The following RUFY1 variants were observed in gnomAD, a reference collection of about 807,000 sequenced individuals.
RUFY1 encodes RUN and FYVE domain containing 1.
Under a neutral mutation model 94.6 loss-of-function variants are expected in RUFY1, and 54 were observed. That is an observed-to-expected ratio of 0.57 (90% CI 0.46 to 0.72). The LOEUF is 0.72. RUFY1 is among the 30% of genes least tolerant of loss of function. RUFY1 has a pLI of 0.00. For missense variants in RUFY1, 883 were observed against 883.9 expected (o/e 1.00, Z 0.01); for synonymous variants, 396 against 347.3 (o/e 1.14, Z -1.56).
At chr5:179,583,033 T>A (rs1003743882) in intron 7 of RUFY1, among the ~76,000 whole-genome samples, 4 of 152,026 alleles carry the variant, frequency 2.6e-5, no homozygotes, top group Non-Finnish European at 5.9e-5. Context: ...CCAGGTGTGA[T>A]GGCTCACGAT....
intron 7 of RUFY1, 41 bp from the exon 8 acceptor site, chr5:179,585,755 T>A (rs776750985): frequency 7.1e-7 from 1 of 1,415,156 alleles, no homozygotes; most frequent in Non-Finnish European, 1.0e-6. Flanking sequence ...ACAGTCAGCT[T>A]GTATAAGTTT....
intron 9 of RUFY1, among the ~76,000 whole-genome samples, chr5:179,590,642 G>A (rs1363228146): frequency 2.0e-5 from 3 of 149,492 alleles, no homozygotes; most frequent in Non-Finnish European, 3.0e-5. Flanking sequence ...CTGCTACTAC[G>A]CCCAGCTAAT....
intron 4 of RUFY1, chr5:179,568,894 G>A (rs1038436122): frequency 5.8e-5 from 19 of 329,768 alleles, no homozygotes; most frequent in Non-Finnish European, 1.3e-5. Flanking sequence ...TCCGTGGGAC[G>A]CAAGAAGGAG....
chr5:179,587,178 C>T (rs904295630), intron 8 of RUFY1, among the ~76,000 whole-genome samples: 1 of 151,890 alleles, frequency 6.6e-6, no homozygotes, highest in Non-Finnish European at 1.5e-5. Flanking sequence ...CTCAACCTCC[C>T]AGTAGCTGGG....
intron 7 of RUFY1, among the ~76,000 whole-genome samples, chr5:179,581,924 A>G (rs188546553): frequency 1.3e-3 from 203 of 151,996 alleles, no homozygotes; most frequent in African/African-American, 4.6e-3. Context: ...GGCTCAAGCA[A>G]TCCTCCCACC....
chr5:179,582,664 G>A (rs7704767), intron 7 of RUFY1, among the ~76,000 whole-genome samples: 151,179 of 152,184 alleles, frequency 0.99, 75,103 homozygotes, highest in East Asian at 1. Flanking sequence ...ACCAACATGG[G>A]GAAACCCCAT....
intron 4 of RUFY1, among the ~76,000 whole-genome samples, chr5:179,568,015 C>A (rs1204479121): frequency 6.6e-6 from 1 of 152,208 alleles, no homozygotes; most frequent in African/African-American, 2.4e-5. Flanking sequence ...GAGGCCAAGG[C>A]AGGCTGATCA....
At chr5:179,553,538 T>C (rs1050028956) in intron 1 of RUFY1, among the ~76,000 whole-genome samples, 3 of 151,578 alleles carry the variant, frequency 2.0e-5, no homozygotes, top group Non-Finnish European at 2.9e-5. Flanking sequence ...AATCCCAGCA[T>C]TTTGGGAGGC....
At chr5:179,606,422 C>T (rs541239273) in intron 16 of RUFY1, 18 of 162,580 alleles carry the variant, frequency 1.1e-4, no homozygotes, top group Non-Finnish European at 2.3e-4. Context: ...GCAGGTGGCC[C>T]GGTGTGGGTG....
chr5:179,598,824 G>A lies in RUFY1; in HGVS notation c.1761+3G>A. On this transcript the variant is annotated splice_donor_region_variant and intron_variant, in intron 14 of 17. Coordinates refer to ENST00000319449, the MANE Select transcript of RUFY1 (RefSeq NM_025158.5). Reference sequence around the variant, plus strand: ...AACAAGTGGAAGGACTGAAAAAGGTGAGGTGGGCCATCCCGGGAGAGGAGA... The same window carrying A: ...AACAAGTGGAAGGACTGAAAAAGGTAAGGTGGGCCATCCCGGGAGAGGAGA... 1 of 1,614,186 alleles carries A rather than the reference G, an allele frequency of 6.2e-7. No homozygotes were observed. Among genetic ancestry groups the A allele is most frequent in the South Asian group, 1.1e-5 (1 of 91,076 alleles).
intron 7 of RUFY1, among the ~76,000 whole-genome samples, chr5:179,581,681 C>A (rs563511088): frequency 1.4e-5 from 2 of 146,868 alleles, no homozygotes; most frequent in Non-Finnish European, 3.0e-5. Flanking sequence ...GCTGTTTTTA[C>A]TTTTCTTTTT....
At chr5:179,564,081 A>G (rs1019320626) in intron 3 of RUFY1, among the ~76,000 whole-genome samples, 1 of 149,886 alleles carries the variant, frequency 6.7e-6, no homozygotes, top group Non-Finnish European at 1.5e-5. Flanking sequence ...CACTCCCTCA[A>G]GAGTAAAGCA....
chr5:179,590,650 A>C (rs1230742114), intron 9 of RUFY1, among the ~76,000 whole-genome samples: 3 of 151,156 alleles, frequency 2.0e-5, no homozygotes, highest in Non-Finnish European at 4.4e-5. Context: ...ACGCCCAGCT[A>C]ATTTTTTTCT....
chr5:179,572,186 C>T, intron 5 of RUFY1: 6 of 305,044 alleles, frequency 2.0e-5, no homozygotes, highest in South Asian at 1.4e-4. Context: ...GCTCGGAAAG[C>T]CAGCCCCTGA....
chr5:179,573,650 G>A (rs1763391608), intron 5 of RUFY1, among the ~76,000 whole-genome samples: 1 of 152,064 alleles, frequency 6.6e-6, no homozygotes, highest in Non-Finnish European at 1.5e-5. Flanking sequence ...AGCCTCCTGA[G>A]TAGTTGGGAT....
At chr5:179,560,592 A>G (rs6601051) in intron 2 of RUFY1, among the ~76,000 whole-genome samples, 149,824 of 150,402 alleles carry the variant, frequency 1, 74,626 homozygotes, top group Middle Eastern at 1. Context: ...TGGGCGTGGT[A>G]GCGGGCGCCT....
In RUFY1 at chr5:179,593,462, T is replaced by G. The variant is rs901199428; in HGVS notation, c.1246-16T>G. 4.4e-6 allele frequency: 7 copies of G among 1,581,228 alleles called. No homozygotes were observed. The highest frequency in any genetic ancestry group is 2.7e-5 in the African/African-American group (2 of 74,172). On this transcript the variant is annotated splice_polypyrimidine_tract_variant and intron_variant, in intron 10 of 17. Transcript: ENST00000319449. ...ATCTATTTTAATAACATTTTCCTTGTAAATATCCTTTTAAGGAACTGGAAA... is the reference window on the plus strand; with the variant it reads ...ATCTATTTTAATAACATTTTCCTTGGAAATATCCTTTTAAGGAACTGGAAA...
chr5:179,605,046 A>C (rs1158051945), intron 15 of RUFY1, among the ~76,000 whole-genome samples: 1 of 152,040 alleles, frequency 6.6e-6, no homozygotes, highest in East Asian at 1.9e-4. Context: ...TGGGAGGCTG[A>C]GGCAGGTGGG....
At chr5:179,607,856 C>A (rs914909800) in intron 17 of RUFY1, among the ~76,000 whole-genome samples, 197 bp downstream of exon 17, 1 of 152,224 alleles carries the variant, frequency 6.6e-6, no homozygotes, top group African/African-American at 2.4e-5. Flanking sequence ...TTCTGGGAGG[C>A]CTTGGCCAGT....
Sources: allele counts gnomAD v4.1 joint callset (sites outside exome capture counted in the v4.1 genomes callset), GRCh38; gene constraint gnomAD v4.1.1; transcripts MANE v1.5; gene names NCBI Gene and HGNC (gene_info 2026-07-23, HGNC 2026-07-21).